The following EIF5B variants were observed in gnomAD, a reference collection of about 807,000 sequenced individuals.
EIF5B encodes eukaryotic translation initiation factor 5B, also known as eIF-5B.
A neutral mutation model predicts 147.5 loss-of-function variants in EIF5B; 47 were observed. The ratio of observed to expected loss-of-function variants is 0.32; its 90% CI spans 0.25 to 0.41. The LOEUF is 0.41. EIF5B is among the 10% of genes least tolerant of loss of function. The pLI, the probability that EIF5B is intolerant of heterozygous loss-of-function variation, is 1.00. For missense variants in EIF5B, 1,064 were observed against 1,413.2 expected, an observed-to-expected ratio of 0.75 and a Z score of 3.96; for synonymous variants, 455 against 456.2, an observed-to-expected ratio of 1.00 and a Z score of 0.03.
chr2:99,341,234 TCTTA>T (rs1407685267), intron 1 of EIF5B, among the ~76,000 whole-genome samples: 5 of 152,238 alleles, frequency 3.3e-5, no homozygotes, highest in African/African-American at 1.2e-4. Flanking sequence ...GGAATTCATT[TCTTA>T]CTTGCATATA....
At chr2:99,397,988 A>G (rs761486325) in intron 22 of EIF5B, 4 of 149,298 alleles carry the variant, frequency 2.7e-5, no homozygotes, top group South Asian at 2.1e-4. Context: ...CAGATTTTCT[A>G]TTGTGGTCAG....
At position 99,368,512 on chromosome 2, in the gene EIF5B, A is replaced by G; in HGVS notation, c.1308A>G (p.Lys436=). The change falls in exon 7 of 24, where the codon AAA becomes AAG. Residue 436 remains lysine, a synonymous_variant. Coordinates refer to ENST00000289371, the MANE Select transcript of EIF5B (RefSeq NM_015904.4). ...LQAQGVEVPS[K]DSLPKKRPIY... ...CCTCAGGTGTTGAAGTGCCATCAAAAGACTCTTTGCCAAAGAAGAGGCCAA... is the reference window on the plus strand; with the variant it reads ...CCTCAGGTGTTGAAGTGCCATCAAAGGACTCTTTGCCAAAGAAGAGGCCAA... The G allele has an allele frequency of 6.2e-7, 1 of 1,613,798 alleles. No homozygotes were observed. The highest frequency in any genetic ancestry group is 8.5e-7 in the Non-Finnish European group (1 of 1,179,858).
intron 18 of EIF5B, 129 bp downstream of exon 18, chr2:99,393,227 T>C (rs1359785194): frequency 1.3e-5 from 10 of 742,324 alleles, no homozygotes; most frequent in Non-Finnish European, 1.9e-5. Context: ...CTTGGCCTCT[T>C]AGCAAACTTG....
intron 1 of EIF5B, among the ~76,000 whole-genome samples, chr2:99,351,686 T>TG (rs1212493594): frequency 6.8e-6 from 1 of 147,184 alleles, no homozygotes; most frequent in African/African-American, 2.5e-5. Flanking sequence ...CATATCATTG[T>TG]GTTTTTTTTT....
rs1361103474 is a variant in EIF5B, at chr2:99,361,613, C to T, written c.712C>T (p.Arg238Cys). Residue 238 changes from arginine (R) to cysteine (C), a missense_variant, in exon 4 of 24, where the codon CGC (arginine) becomes TGC (cysteine). Arg to Cys is a radical substitution (Grantham distance 180, BLOSUM62 -3). Around this residue, in one of 4 missense-constraint regions of EIF5B, gnomAD observed 458 missense variants for 451.3 expected, o/e 1.01. Coordinates refer to ENST00000289371, the MANE Select transcript of EIF5B (RefSeq NM_015904.4). ...CCAAAAGAAGGCAGAAAAGAAGGAG[C>T]GCGAGAGAAAAAAGCGAGATGAAGA... Reference protein sequence around the residue: ...VAQKKAEKKERERKKRDEEKA... With the variant: ...VAQKKAEKKECERKKRDEEKA... The T allele has an allele frequency of 3.8e-6, 6 of 1,593,970 alleles. No individual in the cohort carries two copies. In the Admixed American group the frequency reaches 5.5e-5, roughly 15 times the overall value.
At chr2:99,380,096 C>A (rs1052040488) in intron 12 of EIF5B, among the ~76,000 whole-genome samples, 1 of 152,176 alleles carries the variant, frequency 6.6e-6, no homozygotes, top group Non-Finnish European at 1.5e-5. Flanking sequence ...GAAACGTTAC[C>A]TAATCTACTA....
At chr2:99,392,106 T>C (rs922756060) in intron 17 of EIF5B, among the ~76,000 whole-genome samples, 1 of 152,120 alleles carries the variant, frequency 6.6e-6, no homozygotes, top group South Asian at 2.1e-4. Context: ...TCACAACATA[T>C]CTATCTGTTC....
chr2:99,368,710 T>C (rs944428645), intron 7 of EIF5B, 119 bp downstream of exon 7: 30 of 701,346 alleles, frequency 4.3e-5, no homozygotes, highest in African/African-American at 9.1e-5. Flanking sequence ...TTGAAACTTA[T>C]TTTCTAAACT....
chr2:99,389,556 G>A (rs549917854), intron 14 of EIF5B, 162 bp from the exon 15 acceptor site: 89 of 502,610 alleles, frequency 1.8e-4, no homozygotes, highest in Non-Finnish European at 2.7e-4. Flanking sequence ...AGCAGGTGCC[G>A]ATAAGCAGTC....
intron 1 of EIF5B, 104 bp downstream of exon 1, chr2:99,337,693 C>T: frequency 6.4e-6 from 9 of 1,399,344 alleles, no homozygotes; most frequent in Non-Finnish European, 8.6e-6. Flanking sequence ...TCGCGATGAG[C>T]TTCGCGGGGT....
rs763707555 is a variant in EIF5B, at chr2:99,360,566, T to C, written c.246+17T>C. 6.2e-7 allele frequency: 1 copy of C among 1,602,152 alleles called. No homozygotes were observed. The highest frequency in any genetic ancestry group is 8.5e-7 in the Non-Finnish European group (1 of 1,176,056). On this transcript the variant is annotated intron_variant, in intron 3 of 23. Coordinates refer to ENST00000289371, the MANE Select transcript of EIF5B (RefSeq NM_015904.4). Reference sequence around the variant, plus strand: ...GCAGTGAAGGTGAAAGACAGACCTTTGTTACCTATTCGTATTTCGTATTCT... The same window carrying C: ...GCAGTGAAGGTGAAAGACAGACCTTCGTTACCTATTCGTATTTCGTATTCT...
At chr2:99,377,290 T>C (rs1674585807) in intron 10 of EIF5B, among the ~76,000 whole-genome samples, 2 of 152,080 alleles carry the variant, frequency 1.3e-5, no homozygotes, top group Non-Finnish European at 2.9e-5. Flanking sequence ...CAACATTTGC[T>C]TTTTCTCCTG....
chr2:99,390,594 T>C lies in EIF5B; in HGVS notation c.2637T>C (p.Asn879=). 1.2e-6 allele frequency: 2 copies of C among 1,613,136 alleles called. No homozygotes were observed. Among genetic ancestry groups the C allele is most frequent in the Non-Finnish European group, 8.5e-7 (1 of 1,179,204 alleles). ...MGTTIDVILI[N]GRLKEGDTII... ...CCACTATAGATGTCATCTTGATCAA[T>C]GGGCGTTTGAAGGAAGGAGATACAA... The change falls in exon 17 of 24, where the codon AAT becomes AAC. Residue 879 remains asparagine, a synonymous_variant. Coordinates refer to ENST00000289371, the MANE Select transcript of EIF5B (RefSeq NM_015904.4).
At chr2:99,376,985 G>A (rs1433071477) in intron 10 of EIF5B, among the ~76,000 whole-genome samples, 1 of 152,078 alleles carries the variant, frequency 6.6e-6, no homozygotes, top group Non-Finnish European at 1.5e-5. Context: ...ACATATTTAG[G>A]TTAGTCACCA....
Position 99,364,294 on chromosome 2 carries a change from A to AGAAAGGAAAAAGC in EIF5B, c.1162_1174dup (p.Gln392ArgfsTer23). 1 of 1,602,336 alleles carries AGAAAGGAAAAAGC rather than the reference A, an allele frequency of 6.2e-7. No individual in the cohort carries two copies. Among genetic ancestry groups the AGAAAGGAAAAAGC allele is most frequent in the Non-Finnish European group, 8.5e-7 (1 of 1,177,036 alleles). ...AGGAACGATTGGAACAAGAAAAAAG[A>AGAAAGGAAAAAGC]GAAAGGAAAAAGCAAAAAGAAAAAG... On this transcript the variant is annotated frameshift_variant, in exon 6 of 24. Coordinates refer to ENST00000289371, the MANE Select transcript of EIF5B (RefSeq NM_015904.4). LOFTEE classifies it high-confidence loss of function.
At chr2:99,372,255 G>A (rs1420003489) in intron 9 of EIF5B, among the ~76,000 whole-genome samples, 1 of 151,704 alleles carries the variant, frequency 6.6e-6, no homozygotes, top group Non-Finnish European at 1.5e-5. Flanking sequence ...CTTTAAGCAT[G>A]GCTTTAGTCA....
chr2:99,380,693 A>G (rs1472103797), intron 12 of EIF5B, among the ~76,000 whole-genome samples: 1 of 152,362 alleles, frequency 6.6e-6, no homozygotes, highest in East Asian at 1.9e-4. Flanking sequence ...TTATATGCTA[A>G]TGTCCCCTTT....
intron 6 of EIF5B, 84 bp downstream of exon 6, chr2:99,364,505 AT>A: frequency 7.5e-7 from 1 of 1,331,132 alleles, no homozygotes; most frequent in South Asian, 2.0e-5. Context: ...GGAGAATGGA[AT>A]TTGCATCAGG....
chr2:99,351,577 C>T (rs138515630), intron 1 of EIF5B, among the ~76,000 whole-genome samples: 238 of 152,308 alleles, frequency 1.6e-3, no homozygotes, highest in South Asian at 5.2e-3. Flanking sequence ...TTTGCATTCC[C>T]TCTAGGGATG....
Sources: gnomAD v4.1 joint callset for allele counts (sites outside exome capture counted in the v4.1 genomes callset) on GRCh38, gnomAD v4.1.1 for gene constraint, gnomAD v4.1.1 regional missense constraint, MANE v1.5 for transcripts, NCBI Gene and HGNC (gene_info 2026-07-23, HGNC 2026-07-21) for gene names.